The following GATM variants were observed in gnomAD, a reference collection of about 807,000 sequenced individuals.
GATM encodes glycine amidinotransferase, also known as glycine amidinotransferase, mitochondrial.
A neutral mutation model predicts 54.2 loss-of-function variants in GATM; 23 were observed. That is an observed-to-expected ratio of 0.42 (90% CI 0.31 to 0.60). GATM has a LOEUF of 0.60. Ranked by LOEUF, GATM falls within the 20% of genes least tolerant of loss-of-function variation. The probability of loss-of-function intolerance (pLI) is 0.14; values close to 1 mark genes in which losing one functional copy is unlikely to be tolerated. For missense variants in GATM, 401 were observed against 544.9 expected, an observed-to-expected ratio of 0.74 and a Z score of 2.63; for synonymous variants, 168 against 183.1, an observed-to-expected ratio of 0.92 and a Z score of 0.67.
At chr15:45,378,555 G>A (rs1889687325), upstream of GATM, 1 of 920,518 alleles carries the variant, frequency 1.1e-6, no homozygotes, top group Non-Finnish European at 1.5e-6. Flanking sequence ...GGGCGGGCGC[G>A]CGGGGCCCGA....
Position 45,363,964 on chromosome 15 carries a change from T to G in GATM, c.1095A>C (p.Leu365=), listed in dbSNP as rs1484622872. Residue 365 remains leucine, a synonymous_variant, in exon 8 of 9, where the codon CTA becomes CTC. Transcript: ENST00000396659. ...SKWLSMNVLM[L]DEKRVMVDAN... is the part of the protein sequence containing the mutation. The stretch of plus-strand genomic sequence containing the variant: ...CATCCACCATAACACGTTTTTCATC[T>G]AGCATTAAGACATTCATGGAAAGCC... The G allele has an allele frequency of 6.2e-7, 1 of 1,613,722 alleles. No individual in the cohort carries two copies. The highest frequency in any genetic ancestry group is 1.7e-5 in the Admixed American group (1 of 60,028).
At position 45,376,722 on chromosome 15, in the gene GATM, G is replaced by A; in HGVS notation, c.167C>T (p.Ala56Val). Reference protein sequence around the residue: ...SRNSCAADDKATEPLPKDCPV... With the variant: ...SRNSCAADDKVTEPLPKDCPV... ...GCAGTCCTTGGGCAGAGGCTCAGTG[G>A]CTTTGTCGTCAGCTGCACAGGAGTT... Residue 56 changes from alanine (A) to valine (V), a missense_variant, in exon 2 of 9, where the codon GCC becomes GTC. This residue lies in a region of GATM where 70 missense variants were observed against 61.5 expected (regional missense o/e 1.14). Transcript: ENST00000396659. 2.5e-6 allele frequency: 4 copies of A among 1,614,210 alleles called. No homozygotes were observed. The highest frequency in any genetic ancestry group is 2.5e-6 in the Non-Finnish European group (3 of 1,180,034).
At chr15:45,376,960 A>G in intron 1 of GATM, 141 bp from the exon 2 acceptor site, 1 of 756,476 alleles carries the variant, frequency 1.3e-6, no homozygotes, top group Non-Finnish European at 2.3e-6. Context: ...AGACGTTAAC[A>G]GTGTGTAGGT....
Position 45,399,164 on chromosome 15 carries a change from T to G in GATM, c.-480+382A>C, listed in dbSNP as rs2433608. ...GAAATGTTTCTAGGCTATAGCAAGA[T>G]GAATTCCATCGGTTTGGATTTTGAC... On this transcript the variant is annotated intron_variant, in intron 2 of 4. Coordinates refer to the GATM transcript ENST00000561148. Among the ~76,000 whole-genome samples the G allele has an allele frequency of 4.4e-3, 672 of 152,330 alleles. 5 individuals are homozygous for G. Among genetic ancestry groups the G allele is most frequent in the African/African-American group, 0.015 (641 of 41,578 alleles).
chr15:45,400,187 A>T (rs564904658), intron 1 of GATM, among the ~76,000 whole-genome samples: 12 of 152,334 alleles, frequency 7.9e-5, no homozygotes, highest in Non-Finnish European at 7.3e-5. Flanking sequence ...CTGCCATTGC[A>T]CTCAAGACTG....
intron 2 of GATM, among the ~76,000 whole-genome samples, chr15:45,375,195 C>T (rs1354484196): frequency 6.6e-6 from 1 of 152,156 alleles, no homozygotes; most frequent in African/African-American, 2.4e-5. Flanking sequence ...CTCAGCCTCC[C>T]AAGTAGCTGG....
chr15:45,377,353 A>T lies in GATM; in HGVS notation c.70-534T>A, dbSNP rs990691808. 1.8e-4 allele frequency: 76 copies of T among 423,160 alleles called. 1 individual carries two copies. Among genetic ancestry groups the T allele is most frequent in the South Asian group, 1.2e-3 (71 of 57,596 alleles). 26.2% of individuals were successfully genotyped at this position (423,160 alleles called of 1,614,324 possible). On this transcript the variant is annotated intron_variant, in intron 1 of 8. Transcript: ENST00000396659. ...TTCAGAATAACCAGCTTCAAATCAA[A>T]TTTTTTTCATCTTTGACATACACTT...
intron 3 of GATM, among the ~76,000 whole-genome samples, chr15:45,387,609 A>G (rs1188393320): frequency 6.6e-6 from 1 of 152,232 alleles, no homozygotes; most frequent in Non-Finnish European, 1.5e-5. Flanking sequence ...CTGGAGAGCA[A>G]GGGCTACAGC....
chr15:45,394,275 T>C (rs1889903467), intron 3 of GATM, among the ~76,000 whole-genome samples: 1 of 152,156 alleles, frequency 6.6e-6, no homozygotes, highest in Non-Finnish European at 1.5e-5. Context: ...GTGCGTTCCT[T>C]ATGAGAATTT....
chr15:45,392,078 G>A (rs886246197), intron 3 of GATM, among the ~76,000 whole-genome samples: 9 of 152,142 alleles, frequency 5.9e-5, no homozygotes, highest in African/African-American at 2.2e-4. Flanking sequence ...ATATAATAAG[G>A]ATAATAATAG....
chr15:45,392,702 T>C (rs1889885835), intron 3 of GATM, among the ~76,000 whole-genome samples: 1 of 152,236 alleles, frequency 6.6e-6, no homozygotes, highest in Non-Finnish European at 1.5e-5. Context: ...GCATTGTATT[T>C]GATCATCTTC....
At chr15:45,386,425 G>C (rs753820455) in intron 3 of GATM, among the ~76,000 whole-genome samples, 2 of 152,212 alleles carry the variant, frequency 1.3e-5, no homozygotes, top group Non-Finnish European at 2.9e-5. Flanking sequence ...CCCTGTGTCT[G>C]CTTAGAAACA....
intron 3 of GATM, among the ~76,000 whole-genome samples, chr15:45,393,868 C>G (rs925086313): frequency 6.6e-6 from 1 of 152,182 alleles, no homozygotes; most frequent in Admixed American, 6.5e-5. Flanking sequence ...TAGGAATGCT[C>G]AACCTGTAGT....
chr15:45,363,960 C>T lies in GATM; in HGVS notation c.1099G>A (p.Glu367Lys). The T allele has an allele frequency of 5.0e-6, 8 of 1,613,780 alleles. No homozygotes were observed. The highest frequency in any genetic ancestry group is 1.3e-5 in the African/African-American group (1 of 75,050). ...WLSMNVLMLD[E>K]KRVMVDANEV... ...TTGGCATCCACCATAACACGTTTTT[C>T]ATCTAGCATTAAGACATTCATGGAA... Residue 367 changes from glutamate (E) to lysine (K), a missense_variant, in exon 8 of 9, where the codon GAA (glutamate) becomes AAA (lysine). Coordinates refer to ENST00000396659, the MANE Select transcript of GATM (RefSeq NM_001482.3).
chr15:45,384,165 G>T (rs1451850917), intron 3 of GATM, among the ~76,000 whole-genome samples: 1 of 152,182 alleles, frequency 6.6e-6, no homozygotes, highest in African/African-American at 2.4e-5. Context: ...ATGATGCAGG[G>T]TGCATACATG....
At chr15:45,376,844 T>C (rs766874795) in intron 1 of GATM, 25 bp from the exon 2 acceptor site, 3 of 1,579,864 alleles carry the variant, frequency 1.9e-6, no homozygotes, top group Non-Finnish European at 2.6e-6. Flanking sequence ...GAAAAGATTA[T>C]TGTATTGCAT....
intron 2 of GATM, among the ~76,000 whole-genome samples, chr15:45,399,212 G>A (rs1386246209): frequency 6.6e-6 from 1 of 152,156 alleles, no homozygotes; most frequent in Non-Finnish European, 1.5e-5. Flanking sequence ...TTTGGATTTA[G>A]GAACAGTCTC....
rs1889499754 is a variant in GATM at position 45,369,310 on chromosome 15, A to G, written c.484+16T>C. On this transcript the variant is annotated intron_variant, in intron 3 of 8. Transcript: ENST00000396659. Reference sequence around the variant, plus strand: ...AAATTCAGACACTGGCAGTTTAGTTATCTGACATCACTTACCCGTAGACTC... The same window carrying G: ...AAATTCAGACACTGGCAGTTTAGTTGTCTGACATCACTTACCCGTAGACTC... 1 of 1,609,226 alleles carries G rather than the reference A, an allele frequency of 6.2e-7. No homozygotes were observed. Among genetic ancestry groups the G allele is most frequent in the Non-Finnish European group, 8.5e-7 (1 of 1,175,532 alleles).
chr15:45,363,321 A>C (rs1242685141), intron 8 of GATM, among the ~76,000 whole-genome samples: 1 of 152,146 alleles, frequency 6.6e-6, no homozygotes, highest in Non-Finnish European at 1.5e-5. Flanking sequence ...CTTTCCCTTC[A>C]ACATTTTTCT....
Sources: allele counts gnomAD v4.1 joint callset (sites outside exome capture counted in the v4.1 genomes callset), GRCh38; gene constraint gnomAD v4.1.1; regional missense constraint gnomAD v4.1.1; transcripts MANE v1.5; gene names NCBI Gene and HGNC (gene_info 2026-07-23, HGNC 2026-07-21).